Variants in POLR1D observed in about 807,000 individuals in gnomAD.
POLR1D encodes the protein DNA-directed RNA polymerases I and III subunit RPAC2.
Under a neutral mutation model 10.8 loss-of-function variants are expected in POLR1D, and 8 were observed. The ratio of observed to expected loss-of-function variants is 0.74; its 90% CI spans 0.43 to 1.33. The LOEUF (loss-of-function observed/expected upper bound fraction) is 1.33, where lower values mean the gene tolerates loss of function less well. Ranked by LOEUF, POLR1D falls within the 40% of genes most tolerant of loss-of-function variation. The pLI is 0.01. For synonymous variants in POLR1D, 54 were observed against 57.2 expected, an observed-to-expected ratio of 0.94 and a Z score of 0.25; for missense variants, 152 against 161.7, an observed-to-expected ratio of 0.94 and a Z score of 0.32.
intron 1 of POLR1D, among the ~76,000 whole-genome samples, chr13:27,630,593 G>A (rs1956063672): frequency 6.6e-6 from 1 of 152,162 alleles, no homozygotes; most frequent in Admixed American, 6.6e-5. Flanking sequence ...TCTTATGAAT[G>A]TGGGCAAGTG....
intron 2 of POLR1D, chr13:27,648,597 C>G (rs1347685795): frequency 3.3e-6 from 2 of 604,968 alleles, no homozygotes; most frequent in Non-Finnish European, 6.0e-6. Flanking sequence ...GAGTAAGACA[C>G]TGCTGAGAAC....
chr13:27,627,483 A>G (rs1319805210), downstream of POLR1D, among the ~76,000 whole-genome samples: 1 of 152,170 alleles, frequency 6.6e-6, no homozygotes. Flanking sequence ...AAAGAAAACC[A>G]ATTGTATTGA....
chr13:27,654,256 A>T (rs1956290352), intron 2 of POLR1D, among the ~76,000 whole-genome samples: 2 of 152,236 alleles, frequency 1.3e-5, no homozygotes, highest in Admixed American at 1.3e-4. Flanking sequence ...AAAGCCCTTT[A>T]TATAATATCC....
chr13:27,661,000 A>T (rs1198165669), intron 2 of POLR1D: 1 of 152,242 alleles, frequency 6.6e-6, no homozygotes, highest in Non-Finnish European at 1.5e-5. Context: ...TTTTAGAAGC[A>T]AAAGGTAGCA....
exon 3 of POLR1D, chr13:27,666,547 G>A (rs1002301429): frequency 6.6e-6 from 1 of 152,164 alleles, no homozygotes; most frequent in African/African-American, 2.4e-5. Context: ...AATGGGTTTT[G>A]TTGTTTCCTG....
At chr13:27,626,378 G>A (rs374422377), downstream of POLR1D, among the ~76,000 whole-genome samples, 40 of 152,326 alleles carry the variant, frequency 2.6e-4, no homozygotes, top group African/African-American at 9.6e-4. Flanking sequence ...GACTGATCAC[G>A]TAGAATGCAG....
At chr13:27,652,154 G>A (rs1956272206) in intron 2 of POLR1D, among the ~76,000 whole-genome samples, 1 of 152,214 alleles carries the variant, frequency 6.6e-6, no homozygotes, top group South Asian at 2.1e-4. Flanking sequence ...CAATTTACAA[G>A]TGAGTAAGAA....
chr13:27,665,642 C>A (rs1956408835), intron 2 of POLR1D: 1 of 1,578,344 alleles, frequency 6.3e-7, no homozygotes, highest in Non-Finnish European at 8.7e-7. Context: ...TTGGAGTTAA[C>A]CATTTGATTT....
At chr13:27,622,716 G>T (rs1955959796) in intron 1 of POLR1D, 159 bp from the exon 2 acceptor site, 3 of 613,520 alleles carry the variant, frequency 4.9e-6, no homozygotes, top group Non-Finnish European at 8.7e-6. Flanking sequence ...AATATTTATT[G>T]ATAGAGTTTG....
intron 2 of POLR1D, among the ~76,000 whole-genome samples, chr13:27,649,388 C>T (rs1370109678): frequency 1.3e-5 from 2 of 151,974 alleles, no homozygotes; most frequent in Non-Finnish European, 2.9e-5. Flanking sequence ...GATGGCTTAG[C>T]TACATGGAAA....
chr13:27,649,116 A>G (rs949087737), intron 2 of POLR1D, among the ~76,000 whole-genome samples: 2 of 152,232 alleles, frequency 1.3e-5, no homozygotes, highest in African/African-American at 4.8e-5. Flanking sequence ...TGCCATTTGC[A>G]TTTGATGAAT....
chr13:27,662,056 C>A (rs1368477833), intron 2 of POLR1D, among the ~76,000 whole-genome samples: 1 of 152,104 alleles, frequency 6.6e-6, no homozygotes, highest in East Asian at 1.9e-4. Flanking sequence ...TAAAATGTCT[C>A]ATTAACTTTT....
chr13:27,649,430 A>G (rs1362361622), intron 2 of POLR1D, among the ~76,000 whole-genome samples: 2 of 152,208 alleles, frequency 1.3e-5, no homozygotes, highest in Admixed American at 6.5e-5. Context: ...GAATTTGACT[A>G]TATTTCCAAA....
At chr13:27,655,755 T>G (rs1360900387) in intron 2 of POLR1D, among the ~76,000 whole-genome samples, 1 of 151,586 alleles carries the variant, frequency 6.6e-6, no homozygotes, top group Non-Finnish European at 1.5e-5. Flanking sequence ...GTATGTAAAT[T>G]TATAGTAATT....
At chr13:27,652,357 C>T (rs1418570241) in intron 2 of POLR1D, among the ~76,000 whole-genome samples, 1 of 152,162 alleles carries the variant, frequency 6.6e-6, no homozygotes, top group African/African-American at 2.4e-5. Flanking sequence ...ACCATGTGCA[C>T]CAGACTGTCT....
At chr13:27,630,495 C>T (rs527559625) in intron 1 of POLR1D, among the ~76,000 whole-genome samples, 2 of 152,136 alleles carry the variant, frequency 1.3e-5, no homozygotes, top group South Asian at 4.2e-4. Flanking sequence ...CTTTCTCTTT[C>T]TCTGCTGACC....
intron 1 of POLR1D, among the ~76,000 whole-genome samples, chr13:27,636,344 G>A (rs1207560006): frequency 6.6e-6 from 1 of 151,998 alleles, no homozygotes; most frequent in African/African-American, 2.4e-5. Flanking sequence ...AATTTCCTCG[G>A]TTTTATATGA....
intron 1 of POLR1D, chr13:27,622,247 C>G: frequency 3.4e-6 from 2 of 593,694 alleles, no homozygotes; most frequent in Non-Finnish European, 6.0e-6. Flanking sequence ...CTGCCCACCC[C>G]CGTTACAACA....
chr13:27,653,357 A>T (rs1219563865), intron 2 of POLR1D, among the ~76,000 whole-genome samples: 4 of 152,170 alleles, frequency 2.6e-5, no homozygotes, highest in Non-Finnish European at 5.9e-5. Context: ...AAGAGCAGAT[A>T]TTGAGGGACA....
Sources: allele counts gnomAD v4.1 joint callset (sites outside exome capture counted in the v4.1 genomes callset), GRCh38; gene constraint gnomAD v4.1.1; transcripts MANE v1.5; gene names NCBI Gene and HGNC (gene_info 2026-07-23, HGNC 2026-07-21).